Variants in PDE4B observed in about 807,000 individuals in gnomAD.
PDE4B encodes phosphodiesterase 4B, also known as 3',5'-cyclic-AMP phosphodiesterase 4B.
PDE4B carries 20 observed loss-of-function variants against 82.2 expected under a neutral mutation model. The ratio of observed to expected loss-of-function variants is 0.24; its 90% confidence interval spans 0.17 to 0.35. The LOEUF (loss-of-function observed/expected upper bound fraction) is 0.35, where lower values mean the gene tolerates loss of function less well. PDE4B is among the 10% of genes least tolerant of loss of function. PDE4B has a pLI of 1.00. For missense variants in PDE4B, 655 were observed against 907.2 expected (o/e 0.72, Z 3.57); for synonymous variants, 320 against 318.9 (o/e 1.00, Z -0.04).
chr1:65,887,230 C>A (rs1571071207), intron 1 of PDE4B, among the ~76,000 whole-genome samples: 1 of 20,590 alleles, frequency 4.9e-5, no homozygotes, highest in Non-Finnish European at 8.0e-5. Flanking sequence ...TTCTTTCTTT[C>A]TTTCTTTCTT....
At chr1:66,337,590 G>C (rs1660628884) in intron 8 of PDE4B, among the ~76,000 whole-genome samples, 1 of 152,214 alleles carries the variant, frequency 6.6e-6, no homozygotes, top group African/African-American at 2.4e-5. Context: ...GGAAAGAGGA[G>C]GGCCAACCCA....
At chr1:65,941,745 T>C (rs184723036) in intron 3 of PDE4B, among the ~76,000 whole-genome samples, 43 of 152,238 alleles carry the variant, frequency 2.8e-4, no homozygotes, top group Non-Finnish European at 5.3e-4. Context: ...TACTTATTTT[T>C]TTGTGATGAA....
At chr1:66,199,004 C>G (rs1195203179) in intron 3 of PDE4B, among the ~76,000 whole-genome samples, 24 of 152,064 alleles carry the variant, frequency 1.6e-4, no homozygotes, top group Non-Finnish European at 1.8e-4. Context: ...TTAATCCAGT[C>G]TATCGTTGTT....
In PDE4B at chr1:66,223,051, C is replaced by A. The variant is rs555868819; in HGVS notation, c.282-24409C>A. Among the ~76,000 whole-genome samples the A allele has an allele frequency of 6.4e-4, 98 of 152,216 alleles. 1 individual carries two copies. The highest frequency in any genetic ancestry group is 2.3e-3 in the African/African-American group (96 of 41,554). ...CGAAACGTTAACTCTAGTGTATATC[C>A]ATTGAGTGTTCACACAATGTGTGCC... is the stretch of plus-strand genomic sequence containing the variant. On this transcript the variant is annotated intron_variant, in intron 3 of 16. Coordinates refer to ENST00000341517, the MANE Select transcript of PDE4B (RefSeq NM_002600.4).
intron 3 of PDE4B, among the ~76,000 whole-genome samples, chr1:66,021,419 A>G (rs1653102367): frequency 6.6e-6 from 1 of 152,172 alleles, no homozygotes; most frequent in Admixed American, 6.5e-5. Flanking sequence ...GGTATTGCCT[A>G]GGTTTTCTTC....
chr1:66,293,927 C>T (rs782967), intron 7 of PDE4B, among the ~76,000 whole-genome samples: 62,860 of 152,012 alleles, frequency 0.41, 15,267 homozygotes, highest in Non-Finnish European at 0.55. Flanking sequence ...GCTCTGTGGC[C>T]GGACATGGTG....
intron 3 of PDE4B, among the ~76,000 whole-genome samples, chr1:66,191,972 A>C (rs1647850047): frequency 6.6e-6 from 1 of 152,134 alleles, no homozygotes; most frequent in African/African-American, 2.4e-5. Flanking sequence ...CTCCCACAAC[A>C]CTTGGGAATT....
At chr1:66,081,179 T>TC (rs1656701924) in intron 3 of PDE4B, among the ~76,000 whole-genome samples, 1 of 152,072 alleles carries the variant, frequency 6.6e-6, no homozygotes, top group African/African-American at 2.4e-5. Context: ...TTCTTCCTTT[T>TC]CCCCCATAAA....
intron 3 of PDE4B, among the ~76,000 whole-genome samples, chr1:66,033,431 T>C (rs895727900): frequency 3.3e-5 from 5 of 152,224 alleles, no homozygotes; most frequent in Admixed American, 2.6e-4. Context: ...TCCTGCCATA[T>C]TGGCACTGGC....
intron 3 of PDE4B, among the ~76,000 whole-genome samples, chr1:65,968,806 T>A (rs2100618524): frequency 6.6e-6 from 1 of 152,298 alleles, no homozygotes; most frequent in East Asian, 1.9e-4. Flanking sequence ...CAGAGTAAAC[T>A]GACCGTTTGA....
At chr1:66,109,721 G>A (rs894580558) in intron 3 of PDE4B, among the ~76,000 whole-genome samples, 1 of 151,708 alleles carries the variant, frequency 6.6e-6, no homozygotes, top group South Asian at 2.1e-4. Context: ...AGATTTAGGG[G>A]ATACATGTAT....
intron 3 of PDE4B, among the ~76,000 whole-genome samples, chr1:65,998,328 G>T (rs75437398): frequency 0.04 from 6,108 of 151,564 alleles, 484 homozygotes; most frequent in East Asian, 0.37. Flanking sequence ...GGAAAGCTAG[G>T]AAGTAAGACT....
chr1:66,175,123 G>T (rs958682174), intron 3 of PDE4B, among the ~76,000 whole-genome samples: 40 of 152,190 alleles, frequency 2.6e-4, no homozygotes, highest in Non-Finnish European at 5.1e-4. Context: ...AGATTTGTGT[G>T]GGGGCACAGA....
intron 7 of PDE4B, among the ~76,000 whole-genome samples, chr1:66,285,371 G>A (rs922443472): frequency 6.6e-5 from 10 of 151,840 alleles, no homozygotes; most frequent in Admixed American, 1.3e-4. Flanking sequence ...ATATTTAGGG[G>A]GTACAAGTGC....
At chr1:66,310,368 C>A (rs1057399375) in intron 7 of PDE4B, among the ~76,000 whole-genome samples, 1 of 152,116 alleles carries the variant, frequency 6.6e-6, no homozygotes, top group African/African-American at 2.4e-5. Context: ...TTCCCCGCTG[C>A]CCTCAGGAGG....
At chr1:65,804,912 A>G (rs1288018116) in intron 1 of PDE4B, among the ~76,000 whole-genome samples, 1 of 134,670 alleles carries the variant, frequency 7.4e-6, no homozygotes, top group African/African-American at 2.8e-5. Flanking sequence ...TATTAATTTT[A>G]ATTGATACAC....
chr1:65,847,203 T>C (rs1646277294), intron 1 of PDE4B, among the ~76,000 whole-genome samples: 1 of 152,252 alleles, frequency 6.6e-6, no homozygotes. Context: ...TCTTACTATA[T>C]GTCTTCCATT....
At chr1:66,160,689 C>T (rs1025883278) in intron 3 of PDE4B, among the ~76,000 whole-genome samples, 2 of 152,196 alleles carry the variant, frequency 1.3e-5, no homozygotes, top group Non-Finnish European at 2.9e-5. Flanking sequence ...TCCTCACACA[C>T]GTCCTTGCTT....
At chr1:66,141,327 A>AATATAT (rs71058454) in intron 3 of PDE4B, among the ~76,000 whole-genome samples, 2,348 of 90,882 alleles carry the variant, frequency 0.026, 73 homozygotes, top group East Asian at 0.029. Flanking sequence ...AAGCTTTGAG[A>AATATAT]ATATATATAT....
Sources: allele counts gnomAD v4.1 joint callset (sites outside exome capture counted in the v4.1 genomes callset), GRCh38; gene constraint gnomAD v4.1.1; transcripts MANE v1.5; gene names NCBI Gene and HGNC (gene_info 2026-07-23, HGNC 2026-07-21).